Variants in CFAP58 observed in about 807,000 individuals in gnomAD.
CFAP58 encodes the protein cilia and flagella associated protein 58.
CFAP58 carries 88 observed loss-of-function variants against 119.5 expected under a neutral mutation model. That is an observed-to-expected ratio of 0.74 (90% CI 0.62 to 0.88). The LOEUF is 0.88. Ranked by LOEUF, CFAP58 falls within the 40% of genes least tolerant of loss-of-function variation. The pLI is 0.00. For synonymous variants in CFAP58, 365 were observed against 366.3 expected, an observed-to-expected ratio of 1.00 and a Z score of 0.04; for missense variants, 990 against 1,021.2, an observed-to-expected ratio of 0.97 and a Z score of 0.42.
At chr10:104,431,952 A>AT (rs910339802) in intron 15 of CFAP58, among the ~76,000 whole-genome samples, 1 of 152,128 alleles carries the variant, frequency 6.6e-6, no homozygotes, top group Non-Finnish European at 1.5e-5. Flanking sequence ...TTCTATAGCC[A>AT]TTTTTTTAAA....
intron 7 of CFAP58, among the ~76,000 whole-genome samples, chr10:104,376,419 C>A (rs2011663241): frequency 6.6e-6 from 1 of 151,294 alleles, no homozygotes; most frequent in Non-Finnish European, 1.5e-5. Context: ...GCAGGAAAAT[C>A]CCTTGAACCT....
chr10:104,349,243 G>A (rs188360545), upstream of CFAP58, among the ~76,000 whole-genome samples: 19 of 152,124 alleles, frequency 1.2e-4, no homozygotes, highest in East Asian at 9.6e-4. Flanking sequence ...GTGAGATTCC[G>A]TCTCAAACGC....
chr10:104,342,002 G>A, the CFAP58 span, among the ~76,000 whole-genome samples: 5 of 152,172 alleles, frequency 3.3e-5, no homozygotes, highest in Non-Finnish European at 2.9e-5. Flanking sequence ...GCAAGTAACG[G>A]AATACCAGAC....
intron 9 of CFAP58, among the ~76,000 whole-genome samples, chr10:104,384,629 A>G (rs2011884999): frequency 6.6e-6 from 1 of 152,230 alleles, no homozygotes; most frequent in African/African-American, 2.4e-5. Context: ...ACAACTGACT[A>G]TCAGCGATTT....
At chr10:104,347,579 C>T in the CFAP58 span, among the ~76,000 whole-genome samples, 9 of 151,996 alleles carry the variant, frequency 5.9e-5, no homozygotes, top group African/African-American at 1.2e-4. Context: ...TTTACCATGT[C>T]GTTAAGGGCC....
At position 104,372,169 on chromosome 10, in the gene CFAP58, A is replaced by G. The variant is rs564460972; in HGVS notation, c.1090+1115A>G. Among the ~76,000 whole-genome samples the G allele has an allele frequency of 5.9e-5, 9 of 152,278 alleles. No individual in the cohort carries two copies. The South Asian group carries it at 1.9e-3, about 32-fold the overall frequency. ...GGAGTTCGAGATCAGCCTGGCCAAC[A>G]TGGTAAAACCCTGTCTCTACCAAAA... is the stretch of plus-strand genomic sequence containing the variant. On this transcript the variant is annotated intron_variant, in intron 7 of 17. Transcript: ENST00000369704.
intron 3 of CFAP58, among the ~76,000 whole-genome samples, chr10:104,362,421 A>C (rs1225549532): frequency 6.6e-6 from 1 of 152,178 alleles, no homozygotes; most frequent in African/African-American, 2.4e-5. Flanking sequence ...TAGTTTCAAA[A>C]TGAGTAAGAT....
chr10:104,365,991 C>T lies in CFAP58; in HGVS notation c.775C>T (p.Gln259Ter). 1.2e-6 allele frequency: 2 copies of T among 1,601,406 alleles called. No individual in the cohort carries two copies. Among genetic ancestry groups the T allele is most frequent in the East Asian group, 4.5e-5 (2 of 44,472 alleles). The change falls in exon 5 of 18, where the codon CAG becomes TAG. Residue 259 changes from glutamine to a stop codon, truncating the protein, a stop_gained. Transcript: ENST00000369704. LOFTEE classifies it high-confidence loss of function. ...SKEELQKLEQ[Q>*]LKEQKILNER... ...GGAGGAGCTTCAGAAGCTGGAGCAGCAGCTGAAGGAGCAGAAGGTGAGTTG... is the reference window on the plus strand; with the variant it reads ...GGAGGAGCTTCAGAAGCTGGAGCAGTAGCTGAAGGAGCAGAAGGTGAGTTG...
At chr10:104,427,475 A>G (rs1211697420) in intron 15 of CFAP58, among the ~76,000 whole-genome samples, 2 of 152,126 alleles carry the variant, frequency 1.3e-5, no homozygotes, top group African/African-American at 4.8e-5. Context: ...CGGTCTTCCA[A>G]CAACTCTGTG....
chr10:104,417,501 T>C (rs987814268), intron 15 of CFAP58, among the ~76,000 whole-genome samples: 2 of 152,164 alleles, frequency 1.3e-5, no homozygotes, highest in African/African-American at 2.4e-5. Context: ...CAACCAGAAT[T>C]TGAGGGATGT....
In CFAP58 at chr10:104,392,504, T is replaced by A. The variant is rs561237562; in HGVS notation, c.1527+110T>A. The A allele has an allele frequency of 2.8e-5, 21 of 739,416 alleles. No individual in the cohort carries two copies. The African/African-American group carries it at 3.7e-4, about 13-fold the overall frequency. The allele number at this position is 739,416 out of a possible 1,614,324, so 45.8% of individuals were successfully genotyped here. Reference sequence around the variant, plus strand: ...TAGAATAGATTAAAAAAAAAACTCATGGAATTCACCTGAAAAGATCAATTT... The same window carrying A: ...TAGAATAGATTAAAAAAAAAACTCAAGGAATTCACCTGAAAAGATCAATTT... On this transcript the variant is annotated intron_variant, in intron 10 of 17. Transcript: ENST00000369704.
the CFAP58 span, among the ~76,000 whole-genome samples, chr10:104,339,082 A>T: frequency 5.0e-3 from 755 of 152,010 alleles, 8 homozygotes; most frequent in African/African-American, 0.017. Flanking sequence ...CTAATTTTGT[A>T]TTTTTAGTAG....
At position 104,365,898 on chromosome 10, in the gene CFAP58, A is replaced by G. The variant is rs1160114460; in HGVS notation, c.682A>G (p.Ile228Val). Residue 228 changes from isoleucine to valine, a missense_variant, in exon 5 of 18, where the codon ATT becomes GTT. Physicochemically the swap from Ile to Val is conservative, Grantham distance 29. Coordinates refer to ENST00000369704, the MANE Select transcript of CFAP58 (RefSeq NM_001008723.2). Reference sequence around the variant, plus strand: ...AAAACTAGAGAAAGAGCTCAAGCAGATTCAGGCAGACATGGACAGCAGGCA... The same window carrying G: ...AAAACTAGAGAAAGAGCTCAAGCAGGTTCAGGCAGACATGGACAGCAGGCA... ...KEKLEKELKQ[I>V]QADMDSRQTE... The G allele has an allele frequency of 6.2e-7, 1 of 1,613,656 alleles. No individual in the cohort carries two copies. Among genetic ancestry groups the G allele is most frequent in the South Asian group, 1.1e-5 (1 of 91,058 alleles).
intron 15 of CFAP58, among the ~76,000 whole-genome samples, chr10:104,418,026 A>G (rs529361101): frequency 3.9e-5 from 6 of 152,364 alleles, no homozygotes; most frequent in Middle Eastern, 6.8e-3. Context: ...AAATCACAAG[A>G]ATAATATCTC....
chr10:104,415,699 G>T (rs1033563492), intron 15 of CFAP58, among the ~76,000 whole-genome samples: 2 of 152,136 alleles, frequency 1.3e-5, no homozygotes, highest in Admixed American at 1.3e-4. Flanking sequence ...AGGTCCTGGG[G>T]ACTACCAACC....
Position 104,399,497 on chromosome 10 carries a change from C to A in CFAP58, c.1812C>A (p.Asp604Glu). 1 of 1,613,248 alleles carries A rather than the reference C, an allele frequency of 6.2e-7. No homozygotes were observed. Among genetic ancestry groups the A allele is most frequent in the Non-Finnish European group, 8.5e-7 (1 of 1,179,582 alleles). ...GERLRQKKEL[D>E]QVISERDILG... The stretch of plus-strand genomic sequence containing the variant: ...GGTTGAGACAGAAGAAGGAATTAGA[C>A]CAGGTAGAGCATCTCCTTGTCAGAC... Residue 604 changes from aspartate to glutamate, a missense_variant, in exon 12 of 18, where the codon GAC becomes GAA. Transcript: ENST00000369704.
chr10:104,398,229 C>T (rs1181126016), intron 11 of CFAP58, among the ~76,000 whole-genome samples: 6 of 152,176 alleles, frequency 3.9e-5, no homozygotes, highest in African/African-American at 1.4e-4. Flanking sequence ...GTTGGTTATC[C>T]ATCATCTTCA....
chr10:104,373,268 G>A (rs935880520), intron 7 of CFAP58, among the ~76,000 whole-genome samples: 8 of 152,104 alleles, frequency 5.3e-5, no homozygotes, highest in African/African-American at 1.9e-4. Flanking sequence ...GTTCCTGGAT[G>A]AGAAAACTCA....
chr10:104,376,820 C>A lies in CFAP58; in HGVS notation c.1100C>A (p.Ala367Asp), dbSNP rs2011680673. 1 of 1,613,000 alleles carries A rather than the reference C, an allele frequency of 6.2e-7. No individual in the cohort carries two copies. Among genetic ancestry groups the A allele is most frequent in the East Asian group, 2.2e-5 (1 of 44,820 alleles). The change falls in exon 8 of 18, where the codon GCT (alanine) becomes GAT (aspartate). Residue 367 changes from alanine to aspartate, a missense_variant. Ala to Asp is a moderately radical substitution (Grantham distance 126). Coordinates refer to ENST00000369704, the MANE Select transcript of CFAP58 (RefSeq NM_001008723.2). The part of the protein sequence containing the change: ...QIVGLEREVE[A>D]SKKQAELDRK... ...CTCCCTGGGGATTCAGAGGTAGAGG[C>A]TTCAAAGAAACAAGCAGAACTTGAC...
Sources: gnomAD v4.1 joint callset for allele counts (sites outside exome capture counted in the v4.1 genomes callset) on GRCh38, gnomAD v4.1.1 for gene constraint, MANE v1.5 for transcripts, NCBI Gene and HGNC (gene_info 2026-07-23, HGNC 2026-07-21) for gene names.